CRISPLD2: variants seen among roughly 807,000 people sequenced by gnomAD.
CRISPLD2 encodes cysteine-rich secretory protein LCCL domain-containing 2.
In CRISPLD2, 47 loss-of-function variants were observed where a neutral mutation model predicts 71.1. The observed-to-expected ratio is 0.66, with a 90% CI of 0.52 to 0.84. The LOEUF (loss-of-function observed/expected upper bound fraction) is 0.84, where lower values mean the gene tolerates loss of function less well. Ranked by LOEUF, CRISPLD2 falls within the 40% of genes least tolerant of loss-of-function variation. The pLI, the probability that CRISPLD2 is intolerant of heterozygous loss-of-function variation, is 0.00. For missense variants in CRISPLD2, 830 were observed against 651.1 expected (o/e 1.27, Z -2.99); for synonymous variants, 317 against 250.1 (o/e 1.27, Z -2.52).
chr16:84,875,583 GTC>G (rs1271258775), intron 11 of CRISPLD2, among the ~76,000 whole-genome samples: 1 of 151,372 alleles, frequency 6.6e-6, no homozygotes, highest in Admixed American at 6.6e-5. Context: ...TTGAGATGGA[GTC>G]TCTCTCTGTC....
intron 8 of CRISPLD2, among the ~76,000 whole-genome samples, chr16:84,870,564 G>A (rs1046000943): frequency 1.3e-5 from 2 of 152,010 alleles, no homozygotes; most frequent in Non-Finnish European, 2.9e-5. Context: ...TGATCTGCCC[G>A]CCTTGGCCTC....
chr16:84,826,624 T>C (rs921971563), intron 1 of CRISPLD2, among the ~76,000 whole-genome samples: 4 of 152,234 alleles, frequency 2.6e-5, no homozygotes, highest in Middle Eastern at 6.8e-3. Context: ...CACGGTTTAT[T>C]CCCCGGGACC....
intron 13 of CRISPLD2, among the ~76,000 whole-genome samples, chr16:84,881,726 T>A (rs2143319971): frequency 6.6e-6 from 1 of 152,270 alleles, no homozygotes; most frequent in African/African-American, 2.4e-5. Context: ...TCCTCCCTCC[T>A]TGGCCTCCCA....
rs945354538 is a variant in CRISPLD2 at position 84,873,297 on chromosome 16, G to A, written c.1112+175G>A. 8.3e-6 allele frequency: 5 copies of A among 604,194 alleles called. No homozygotes were observed. The African/African-American group carries it at 9.7e-5, about 12-fold the overall frequency. The allele number at this position is 604,194 out of a possible 1,614,324, so 37.4% of individuals were successfully genotyped here. On this transcript the variant is annotated intron_variant, in intron 10 of 14. Transcript: ENST00000262424. Reference sequence around the variant, plus strand: ...GTTCAAGACCAGCCTGACCAACATGGTGAAAGTCCGTCTCTACTAAAAATA... The same window carrying A: ...GTTCAAGACCAGCCTGACCAACATGATGAAAGTCCGTCTCTACTAAAAATA...
chr16:84,838,298 T>C, intron 1 of CRISPLD2, 124 bp from the exon 2 acceptor site: 1 of 640,784 alleles, frequency 1.6e-6, no homozygotes, highest in Non-Finnish European at 2.7e-6. Context: ...TTAGCTTCTG[T>C]GGGCCTCAGT....
rs2071824430 is a variant in CRISPLD2, at chr16:84,908,505, C to G, written c.*1863C>G. 1 of 152,128 alleles carries G rather than the reference C, an allele frequency of 6.6e-6. No homozygotes were observed. The highest frequency in any genetic ancestry group is 1.5e-5 in the Non-Finnish European group (1 of 68,064). The allele number at this position is 152,128 out of a possible 1,614,324, so 9.4% of individuals were successfully genotyped here. On this transcript the variant is annotated 3_prime_UTR_variant, in exon 15 of 15. Coordinates refer to ENST00000262424, the MANE Select transcript of CRISPLD2 (RefSeq NM_031476.4). Reference sequence around the variant, plus strand: ...GGGGTTTGCAGAATTAGTGAAGGGTCCAGGACGATCCCAGTGGGCTCGCTT... The same window carrying G: ...GGGGTTTGCAGAATTAGTGAAGGGTGCAGGACGATCCCAGTGGGCTCGCTT...
intron 6 of CRISPLD2, among the ~76,000 whole-genome samples, chr16:84,862,755 TC>T (rs1400206538): frequency 4.9e-5 from 7 of 142,650 alleles, no homozygotes; most frequent in Admixed American, 1.5e-4. Context: ...TTGGGTGGGC[TC>T]CGCTGGCAGG....
At chr16:84,873,506 C>CACAAAA (rs2071491043) in intron 10 of CRISPLD2, 1 of 112,190 alleles carries the variant, frequency 8.9e-6, no homozygotes, top group African/African-American at 4.1e-5. Context: ...ACAACAACAA[C>CACAAAA]AAAAAAAAAA....
intron 6 of CRISPLD2, among the ~76,000 whole-genome samples, chr16:84,863,957 C>CAAAAAAAA (rs781013604): frequency 2.5e-5 from 2 of 80,816 alleles, no homozygotes; most frequent in African/African-American, 4.3e-5. Context: ...AACTTCCTCT[C>CAAAAAAAA]AAAAAAAAAA....
chr16:84,888,805 C>G (rs1289265027), intron 13 of CRISPLD2, among the ~76,000 whole-genome samples: 1 of 152,234 alleles, frequency 6.6e-6, no homozygotes, highest in Non-Finnish European at 1.5e-5. Flanking sequence ...CTTCCCTGAG[C>G]AGTTCCCCCT....
At chr16:84,824,992 T>C (rs1325299579) in intron 1 of CRISPLD2, among the ~76,000 whole-genome samples, 1 of 152,032 alleles carries the variant, frequency 6.6e-6, no homozygotes, top group East Asian at 1.9e-4. Flanking sequence ...TAGTCCCAGC[T>C]ACTCGGGAGG....
chr16:84,854,209 CA>C (rs1191350908), intron 5 of CRISPLD2, among the ~76,000 whole-genome samples: 4 of 152,182 alleles, frequency 2.6e-5, no homozygotes, highest in African/African-American at 9.7e-5. Flanking sequence ...TCCTCCTCTG[CA>C]AAAATATTGA....
intron 2 of CRISPLD2, among the ~76,000 whole-genome samples, chr16:84,843,576 A>G (rs1296151756): frequency 6.6e-6 from 1 of 152,232 alleles, no homozygotes; most frequent in Non-Finnish European, 1.5e-5. Context: ...CCTCACCTGC[A>G]TGATGGGAAC....
chr16:84,823,597 G>A (rs766642516), intron 1 of CRISPLD2, among the ~76,000 whole-genome samples: 22 of 152,200 alleles, frequency 1.4e-4, no homozygotes, highest in Non-Finnish European at 1.2e-4. Context: ...GGAATCCTGA[G>A]ACATCGCCCT....
At chr16:84,872,738 A>G (rs1449909301) in intron 9 of CRISPLD2, among the ~76,000 whole-genome samples, 1 of 152,130 alleles carries the variant, frequency 6.6e-6, no homozygotes, top group Non-Finnish European at 1.5e-5. Flanking sequence ...GCATTCACAC[A>G]CTGGACCGAG....
rs769896710 is a variant in CRISPLD2, at chr16:84,866,884, C to T, written c.710-13C>T. 2.5e-6 allele frequency: 4 copies of T among 1,607,142 alleles called. No homozygotes were observed. The highest frequency in any genetic ancestry group is 3.4e-6 in the Non-Finnish European group (4 of 1,176,010). On this transcript the variant is annotated splice_polypyrimidine_tract_variant and intron_variant, in intron 6 of 14. Coordinates refer to ENST00000262424, the MANE Select transcript of CRISPLD2 (RefSeq NM_031476.4). ...CAGTGTGTTATTTTTTTTCCTCCCT[C>T]TCCAATGTTAAGAAGAAACCTACAC...
At chr16:84,881,933 G>A (rs1430987317) in intron 13 of CRISPLD2, among the ~76,000 whole-genome samples, 1 of 152,158 alleles carries the variant, frequency 6.6e-6, no homozygotes, top group African/African-American at 2.4e-5. Context: ...CAGGCTTCAT[G>A]ACTAAGCTTA....
At position 84,868,901 on chromosome 16, in the gene CRISPLD2, A is replaced by G. The variant is rs1917616000; in HGVS notation, c.904A>G (p.Thr302Ala). The change falls in exon 8 of 15, where the codon ACG becomes GCG. Residue 302 changes from threonine to alanine, a missense_variant. Transcript: ENST00000262424. ...TKMKDRCKGSTCNRYQCPAGC... is the reference protein window; with the variant it reads ...TKMKDRCKGSACNRYQCPAGC... The stretch of plus-strand genomic sequence containing the variant: ...GATGAAGGACAGGTGCAAAGGGTCC[A>G]CGTGTAACAGGTGAGCCTGTGCTGG... 1.9e-6 allele frequency: 3 copies of G among 1,607,754 alleles called. No individual in the cohort carries two copies. Among genetic ancestry groups the G allele is most frequent in the African/African-American group, 2.7e-5 (2 of 74,686 alleles).
Position 84,890,584 on chromosome 16 carries a change from A to T in CRISPLD2, c.1439+1221A>T, listed in dbSNP as rs181995769. On this transcript the variant is annotated intron_variant, in intron 14 of 14. Transcript: ENST00000262424. ...AGTAGTCTTCTCCAGGAATGCTTGCACACACCGTGACTGTTTCCTTAAATC... is the reference window on the plus strand; with the variant it reads ...AGTAGTCTTCTCCAGGAATGCTTGCTCACACCGTGACTGTTTCCTTAAATC... Among the ~76,000 whole-genome samples the T allele has an allele frequency of 1.0e-3, 155 of 152,124 alleles. 1 individual carries two copies. Among genetic ancestry groups the T allele is most frequent in the African/African-American group, 3.5e-3 (146 of 41,504 alleles).
Sources: allele counts gnomAD v4.1 joint callset (sites outside exome capture counted in the v4.1 genomes callset), GRCh38; gene constraint gnomAD v4.1.1; transcripts MANE v1.5; gene names NCBI Gene and HGNC (gene_info 2026-07-23, HGNC 2026-07-21).